EMC1: variants seen among roughly 807,000 people sequenced by gnomAD.
The protein encoded by EMC1 is KIAA0090.
A neutral mutation model predicts 128.8 loss-of-function variants in EMC1; 103 were observed. That is an observed-to-expected ratio of 0.80 (90% CI 0.68 to 0.94). The LOEUF is 0.94. Among genes scored for constraint, EMC1 ranks in the 40% least tolerant of loss-of-function variants. The pLI, the probability that EMC1 is intolerant of heterozygous loss-of-function variation, is 0.00. For synonymous variants in EMC1, 442 were observed against 490.4 expected, an observed-to-expected ratio of 0.90 and a Z score of 1.30; for missense variants, 1,083 against 1,250.6, an observed-to-expected ratio of 0.87 and a Z score of 2.02.
At chr1:19,220,492 C>T (rs1385526447) in intron 21 of EMC1, 7 of 267,968 alleles carry the variant, frequency 2.6e-5, no homozygotes, top group African/African-American at 4.4e-5. Flanking sequence ...ACATCCCCAT[C>T]CCCACTTCCT....
At chr1:19,228,317 C>G (rs1267842229) in intron 17 of EMC1, among the ~76,000 whole-genome samples, 1 of 151,976 alleles carries the variant, frequency 6.6e-6, no homozygotes, top group African/African-American at 2.4e-5. Context: ...CCATTTATTA[C>G]TAAACTCCAA....
rs200165082 is a variant in EMC1 at position 19,232,614 on chromosome 1, G to T, written c.1782+10C>A. ...CTGAGTCTGGCTCAAGTCAGAGCTG[G>T]ATGCCTCACCTTGTCCTTCACCAGC... is the stretch of plus-strand genomic sequence containing the variant. On this transcript the variant is annotated intron_variant, in intron 15 of 22. Transcript: ENST00000477853. 1 of 1,613,922 alleles carries T rather than the reference G, an allele frequency of 6.2e-7. No individual in the cohort carries two copies. Among genetic ancestry groups the T allele is most frequent in the Admixed American group, 1.7e-5 (1 of 60,012 alleles).
chr1:19,237,906 CAT>C, intron 11 of EMC1, 109 bp downstream of exon 11: 1 of 1,375,280 alleles, frequency 7.3e-7, no homozygotes, highest in Non-Finnish European at 9.8e-7. Context: ...CACTAGAACA[CAT>C]GTTTAGAGAG....
At chr1:19,224,940 T>C (rs974743350) in intron 18 of EMC1, among the ~76,000 whole-genome samples, 1 of 152,138 alleles carries the variant, frequency 6.6e-6, no homozygotes, top group Non-Finnish European at 1.5e-5. Context: ...CCCACACAAC[T>C]CACTTCCTCA....
chr1:19,235,532 T>C (rs868068861), intron 12 of EMC1, among the ~76,000 whole-genome samples: 1 of 152,092 alleles, frequency 6.6e-6, no homozygotes, highest in African/African-American at 2.4e-5. Context: ...GAAACCCCTC[T>C]CTACTAAAAA....
chr1:19,237,630 T>C (rs540651192), intron 11 of EMC1, among the ~76,000 whole-genome samples: 1 of 151,682 alleles, frequency 6.6e-6, no homozygotes, highest in Admixed American at 6.6e-5. Context: ...TGATGAGGAG[T>C]CCAGGCTGTG....
chr1:19,239,184 A>C (rs747022656), intron 9 of EMC1, 47 bp downstream of exon 9: 19 of 1,545,798 alleles, frequency 1.2e-5, no homozygotes. Flanking sequence ...CCTAGTGGAG[A>C]CCAGGAAGGA....
chr1:19,231,534 T>C, intron 15 of EMC1, 112 bp from the exon 16 acceptor site: 1 of 1,132,990 alleles, frequency 8.8e-7, no homozygotes, highest in Non-Finnish European at 1.2e-6. Context: ...CTCTAGTCTT[T>C]GCCCTCTTTG....
At chr1:19,228,421 C>T (rs1033697674) in intron 17 of EMC1, among the ~76,000 whole-genome samples, 1 of 152,114 alleles carries the variant, frequency 6.6e-6, no homozygotes, top group African/African-American at 2.4e-5. Context: ...AGGAAACCAA[C>T]CAATAAACAC....
rs749504796 is a variant in EMC1, at chr1:19,233,041, A to C, written c.1527T>G (p.Ala509=). 2 of 1,614,158 alleles carry C rather than the reference A, an allele frequency of 1.2e-6. No individual in the cohort carries two copies. The highest frequency in any genetic ancestry group is 1.1e-5 in the South Asian group (1 of 91,090). Residue 509 remains alanine (A), a synonymous_variant, in exon 14 of 23, where the codon GCT becomes GCG. Coordinates refer to ENST00000477853, the MANE Select transcript of EMC1 (RefSeq NM_015047.3). ...TCTTAATCTGACTCCGGGGCTTCCG[A>C]GCATCATAAAACATTTTCCAGAGGT... ...TSHLWKMFYD[A]RKPRSQIKNE...
intron 15 of EMC1, among the ~76,000 whole-genome samples, chr1:19,231,824 T>C (rs189069896): frequency 2.2e-4 from 33 of 152,202 alleles, no homozygotes; most frequent in South Asian, 4.1e-4. Context: ...GGTTTCACCA[T>C]GTTGCCCAGG....
At chr1:19,224,903 C>T (rs184961125) in intron 18 of EMC1, among the ~76,000 whole-genome samples, 1 of 152,254 alleles carries the variant, frequency 6.6e-6, no homozygotes, top group African/African-American at 2.4e-5. Context: ...TTTGACTTTT[C>T]TCTCTGGAAG....
Position 19,231,416 on chromosome 1 carries a change from C to G in EMC1, c.1789G>C (p.Gly597Arg), listed in dbSNP as rs960478132. 1 of 1,611,858 alleles carries G rather than the reference C, an allele frequency of 6.2e-7. No individual in the cohort carries two copies. The highest frequency in any genetic ancestry group is 1.3e-5 in the African/African-American group (1 of 74,698). ...TTGAAGACATACAGAGAACTCATTC[C>G]CGACTCCTAAAATGAGCAAACTGTC... ...CTLLVKDKESGMSSLYVFNPI... is the reference protein window; with the variant it reads ...CTLLVKDKESRMSSLYVFNPI... Residue 597 changes from glycine to arginine, a missense_variant, in exon 16 of 23, where the codon GGA becomes CGA. Coordinates refer to ENST00000477853, the MANE Select transcript of EMC1 (RefSeq NM_015047.3).
At chr1:19,236,388 G>A (rs2093563693) in intron 12 of EMC1, among the ~76,000 whole-genome samples, 1 of 151,728 alleles carries the variant, frequency 6.6e-6, no homozygotes, top group African/African-American at 2.4e-5. Flanking sequence ...CAGGCACGGT[G>A]GCTCACACCT....
chr1:19,234,082 T>C, intron 13 of EMC1: 1 of 509,006 alleles, frequency 2.0e-6, no homozygotes, highest in African/African-American at 2.1e-5. Flanking sequence ...ACCCCAAGGA[T>C]GTACCTCATT....
rs1444978126 is a variant in EMC1, at chr1:19,251,441, G to C, written c.69C>G (p.Tyr23Ter). 4.3e-6 allele frequency: 7 copies of C among 1,614,124 alleles called. No homozygotes were observed. Among genetic ancestry groups the C allele is most frequent in the Non-Finnish European group, 5.9e-6 (7 of 1,180,026 alleles). The change falls in exon 1 of 23, where the codon TAC becomes TAG. Residue 23 changes from tyrosine to a stop codon, truncating the protein, a stop_gained. Transcript: ENST00000477853. LOFTEE classifies it high-confidence loss of function. Reference protein sequence around the residue: ...ATLLIPAAAVYEDQVGKFDWR... With the variant: ...ATLLIPAAAV Reference sequence around the variant, plus strand: ...AATCAAACTTGCCCACTTGGTCTTCGTAGACCGCGGCCGCAGGAATCAGCA... The same window carrying C: ...AATCAAACTTGCCCACTTGGTCTTCCTAGACCGCGGCCGCAGGAATCAGCA...
rs933600982 is a variant in EMC1, at chr1:19,238,779, C to G, written c.1089+16G>C. ...GCGTCTCTAGGTCTGGCATACTGCC[C>G]AGTGCCACACCATACCTTTGAACTA... On this transcript the variant is annotated intron_variant, in intron 10 of 22. Coordinates refer to ENST00000477853, the MANE Select transcript of EMC1 (RefSeq NM_015047.3). 2 of 1,584,070 alleles carry G rather than the reference C, an allele frequency of 1.3e-6. No homozygotes were observed. The highest frequency in any genetic ancestry group is 3.3e-5 in the Admixed American group (2 of 59,870).
intron 17 of EMC1, among the ~76,000 whole-genome samples, chr1:19,228,599 G>A (rs1278012564): frequency 9.2e-5 from 14 of 152,066 alleles, no homozygotes; most frequent in African/African-American, 4.8e-5. Flanking sequence ...CCCTTGGTGA[G>A]GGTTCACTGA....
At chr1:19,220,651 A>G (rs772639297) in intron 21 of EMC1, 113 bp downstream of exon 21, 7 of 765,486 alleles carry the variant, frequency 9.1e-6, no homozygotes, top group Non-Finnish European at 1.4e-5. Context: ...CCCCTGCTAC[A>G]TCCCCAGCCC....
Sources: gnomAD v4.1 joint callset for allele counts (sites outside exome capture counted in the v4.1 genomes callset) on GRCh38, gnomAD v4.1.1 for gene constraint, MANE v1.5 for transcripts, NCBI Gene and HGNC (gene_info 2026-07-23, HGNC 2026-07-21) for gene names.